The following ATP6V0A2 variants were observed in gnomAD, a reference collection of about 807,000 sequenced individuals.
ATP6V0A2 encodes the protein V-type proton ATPase 116 kDa subunit a 2.
ATP6V0A2 carries 58 observed loss-of-function variants against 104.4 expected under a neutral mutation model. The ratio of observed to expected loss-of-function variants is 0.56; its 90% CI spans 0.45 to 0.69. The LOEUF is 0.69. Among genes scored for constraint, ATP6V0A2 ranks in the 30% least tolerant of loss-of-function variants. The pLI, the probability that ATP6V0A2 is intolerant of heterozygous loss-of-function variation, is 0.00. For synonymous variants in ATP6V0A2, 376 were observed against 397.9 expected (o/e 0.95, Z 0.65); for missense variants, 938 against 1,062.9 (o/e 0.88, Z 1.63).
chr12:123,716,062 AT>A (rs1566271745), intron 1 of ATP6V0A2, among the ~76,000 whole-genome samples: 4 of 151,022 alleles, frequency 2.6e-5, no homozygotes, highest in South Asian at 2.1e-4. Context: ...TAAAAGATGA[AT>A]TTTTTTTCTT....
rs1956768636 is a variant in ATP6V0A2, at chr12:123,756,824, AT to A, written c.2304del (p.Asp768GlufsTer7). ...CTGCACTCCTTTGCAGAGTTGTCTG[AT>A]GTCCTGTGGGCCATGCTGATGCGCG... ...ALSLAHAQLS[D>X]VLWAMLMRVG... is the part of the protein sequence containing the mutation. On this transcript the variant is annotated frameshift_variant, in exon 19 of 20. Transcript: ENST00000330342. LOFTEE classifies it high-confidence loss of function. 3 of 1,613,884 alleles carry A rather than the reference AT, an allele frequency of 1.9e-6. No homozygotes were observed. The highest frequency in any genetic ancestry group is 2.5e-6 in the Non-Finnish European group (3 of 1,180,018).
Position 123,752,294 on chromosome 12 carries a change from A to G in ATP6V0A2, c.2067A>G (p.Thr689=). ...CTTTTGGTTGTTAGAGTGGCTACAC[A>G]CTTATAAGGAAAGATAGTGAGGAAG... ...SCFGVNRSGY[T]LIRKDSEEEV... is the part of the protein sequence containing the mutation. The change falls in exon 17 of 20, where the codon ACA becomes ACG. Residue 689 remains threonine (T), a synonymous_variant. Coordinates refer to ENST00000330342, the MANE Select transcript of ATP6V0A2 (RefSeq NM_012463.4). The G allele has an allele frequency of 6.2e-7, 1 of 1,614,186 alleles. No homozygotes were observed. Among genetic ancestry groups the G allele is most frequent in the Non-Finnish European group, 8.5e-7 (1 of 1,180,028 alleles).
At chr12:123,733,728 A>G (rs1458070850) in intron 6 of ATP6V0A2, 198 bp from the exon 7 acceptor site, 2 of 587,098 alleles carry the variant, frequency 3.4e-6, no homozygotes, top group African/African-American at 1.9e-5. Context: ...TGCTCTGCAC[A>G]TGACTGGAAG....
At position 123,733,937 on chromosome 12, in the gene ATP6V0A2, A is replaced by T; in HGVS notation, c.660A>T (p.Ile220=). 6.2e-7 allele frequency: 1 copy of T among 1,612,928 alleles called. No homozygotes were observed. The highest frequency in any genetic ancestry group is 1.3e-5 in the African/African-American group (1 of 75,056). Residue 220 remains isoleucine (I), a synonymous_variant, in exon 7 of 20, where the codon ATA becomes ATT. Coordinates refer to ENST00000330342, the MANE Select transcript of ATP6V0A2 (RefSeq NM_012463.4). The part of the protein sequence containing the change: ...SLEDPETGEV[I]KWYVFLISFW... ...TTCATTCTTTGTAGGGGGAAGTCAT[A>T]AAATGGTATGTCTTTTTAATATCCT...
rs770866426 is a variant in ATP6V0A2 at position 123,757,911 on chromosome 12, C to A, written c.2466-16C>A. The A allele has an allele frequency of 7.9e-7, 1 of 1,261,584 alleles. No homozygotes were observed. The highest frequency in any genetic ancestry group is 1.1e-6 in the Non-Finnish European group (1 of 904,582). The allele number at this position is 1,261,584 out of a possible 1,614,324, so 78.1% of individuals were successfully genotyped here. A position where few individuals can be genotyped will look rare whatever the true frequency, so the allele number is the denominator to read the frequency against. On this transcript the variant is annotated splice_polypyrimidine_tract_variant and intron_variant, in intron 19 of 19. Coordinates refer to ENST00000330342, the MANE Select transcript of ATP6V0A2 (RefSeq NM_012463.4). ...TTCATAATCTTCCATTAATACATGG[C>A]TTTTTTTTTTTTTAGGGTAGAATTT...
Position 123,726,210 on chromosome 12 carries a change from A to T in ATP6V0A2, c.446A>T (p.Tyr149Phe). 1 of 1,612,412 alleles carries T rather than the reference A, an allele frequency of 6.2e-7. No individual in the cohort carries two copies. The highest frequency in any genetic ancestry group is 1.1e-5 in the South Asian group (1 of 91,060). Reference protein sequence around the residue: ...VKRNVEFEPTYEEFPSLESDS... With the variant: ...VKRNVEFEPTFEEFPSLESDS... ...GTTTATTTCTAGTTTGAACCCACTT[A>T]TGAAGAATTCCCTTCCTTAGAGAGT... Residue 149 changes from tyrosine to phenylalanine, a missense_variant, in exon 5 of 20, where the codon TAT becomes TTT. Tyr to Phe is a conservative substitution (Grantham distance 22, BLOSUM62 3). Transcript: ENST00000330342.
At chr12:123,735,507 CTG>C (rs748705550) in intron 7 of ATP6V0A2, 22 bp from the exon 8 acceptor site, 2 of 1,600,958 alleles carry the variant, frequency 1.2e-6, no homozygotes, top group African/African-American at 2.7e-5. Flanking sequence ...AGATGTGAGA[CTG>C]TGTTCAACTC....
chr12:123,746,012 ATT>A (rs1956658691), intron 13 of ATP6V0A2, among the ~76,000 whole-genome samples: 2 of 152,182 alleles, frequency 1.3e-5, no homozygotes, highest in African/African-American at 4.8e-5. Context: ...TCTAATCATG[ATT>A]GGTATAATTT....
intron 7 of ATP6V0A2, among the ~76,000 whole-genome samples, 169 bp from the exon 8 acceptor site, chr12:123,735,362 G>C (rs1316965054): frequency 6.6e-6 from 1 of 152,162 alleles, no homozygotes; most frequent in Non-Finnish European, 1.5e-5. Flanking sequence ...GCAGGTGCTT[G>C]TTGAGCATCT....
chr12:123,735,498 G>A (rs749127435), intron 7 of ATP6V0A2, 33 bp from the exon 8 acceptor site: 1 of 1,587,244 alleles, frequency 6.3e-7, no homozygotes, highest in Non-Finnish European at 8.7e-7. Flanking sequence ...AGTGCTGACA[G>A]ATGTGAGACT....
chr12:123,733,736 A>G, intron 6 of ATP6V0A2, 190 bp from the exon 7 acceptor site: 2 of 596,220 alleles, frequency 3.4e-6, no homozygotes, highest in Non-Finnish European at 6.0e-6. Context: ...ACATGACTGG[A>G]AGCGCTCCGT....
intron 3 of ATP6V0A2, chr12:123,724,340 A>G (rs557762851): frequency 2.7e-4 from 77 of 288,472 alleles, no homozygotes; most frequent in African/African-American, 1.7e-3. Context: ...CCTGGCCAAC[A>G]TGGTGAAACC....
At chr12:123,712,905 CAGTT>C (rs912539830) in intron 1 of ATP6V0A2, among the ~76,000 whole-genome samples, 1 of 152,106 alleles carries the variant, frequency 6.6e-6, no homozygotes, top group Admixed American at 6.5e-5. Flanking sequence ...TGCTCTGCCC[CAGTT>C]AGTTAGGATC....
chr12:123,736,695 G>A (rs919111667), intron 8 of ATP6V0A2, among the ~76,000 whole-genome samples: 2 of 152,188 alleles, frequency 1.3e-5, no homozygotes, highest in African/African-American at 2.4e-5. Flanking sequence ...GGTTGACAGG[G>A]GTGAGGCCAA....
chr12:123,724,378 A>C (rs1366722723), intron 3 of ATP6V0A2: 2 of 333,292 alleles, frequency 6.0e-6, no homozygotes, highest in African/African-American at 4.6e-5. Flanking sequence ...ACAAAAAAAA[A>C]TTAGCTGGGC....
At position 123,753,542 on chromosome 12, in the gene ATP6V0A2, C is replaced by T. The variant is rs78988487; in HGVS notation, c.2176-878C>T. On this transcript the variant is annotated intron_variant, in intron 17 of 19. Transcript: ENST00000330342. ...CCAGAAGACAGTAGTCACAGTGGGT[C>T]AGGGCCCACCTCCTGACCTCACTCA... Among the ~76,000 whole-genome samples, 4 of 152,244 alleles carry T rather than the reference C, an allele frequency of 2.6e-5. No homozygotes were observed. The South Asian group carries it at 8.3e-4, about 31-fold the overall frequency.
chr12:123,754,492 A>C lies in ATP6V0A2; in HGVS notation c.2248A>C (p.Thr750Pro). 6.2e-7 allele frequency: 1 copy of C among 1,614,172 alleles called. No homozygotes were observed. Among genetic ancestry groups the C allele is most frequent in the African/African-American group, 1.3e-5 (1 of 75,048 alleles). The change falls in exon 18 of 20, where the codon ACC (threonine) becomes CCC (proline). Residue 750 changes from threonine to proline, a missense_variant. Thr to Pro is a conservative substitution (Grantham distance 38). Transcript: ENST00000330342. ...IEYCLGCISN[T>P]ASYLRLWALS... Reference sequence around the variant, plus strand: ...GTACTGTCTGGGATGCATCTCCAACACCGCCTCCTACCTGAGGCTCTGGGC... The same window carrying C: ...GTACTGTCTGGGATGCATCTCCAACCCCGCCTCCTACCTGAGGCTCTGGGC...
At chr12:123,724,623 A>G (rs751963776) in intron 3 of ATP6V0A2, 31 bp from the exon 4 acceptor site, 2 of 1,611,640 alleles carry the variant, frequency 1.2e-6, no homozygotes, top group Non-Finnish European at 1.7e-6. Flanking sequence ...ACTAATTACT[A>G]CCCTCTTAAG....
intron 6 of ATP6V0A2, among the ~76,000 whole-genome samples, chr12:123,728,901 G>A (rs1318433105): frequency 3.3e-5 from 5 of 152,040 alleles, no homozygotes; most frequent in Admixed American, 2.0e-4. Context: ...ATTACTGGTC[G>A]TGGTCGCTCT....
Sources: gnomAD v4.1 joint callset for allele counts (sites outside exome capture counted in the v4.1 genomes callset) on GRCh38, gnomAD v4.1.1 for gene constraint, MANE v1.5 for transcripts, NCBI Gene and HGNC (gene_info 2026-07-23, HGNC 2026-07-21) for gene names.